The following XRRA1 variants were observed in gnomAD, a reference collection of about 807,000 sequenced individuals.
XRRA1 encodes the protein X-ray radiation resistance associated 1.
In XRRA1, 69 loss-of-function variants were observed where a neutral mutation model predicts 80.2. The ratio of observed to expected loss-of-function variants is 0.86; its 90% CI spans 0.71 to 1.05. The LOEUF (loss-of-function observed/expected upper bound fraction) is 1.05. Among genes scored for constraint, XRRA1 ranks in the 50% least tolerant of loss-of-function variants. XRRA1 has a pLI of 0.00. For synonymous variants in XRRA1, 348 were observed against 389.9 expected (o/e 0.89, Z 1.27); for missense variants, 967 against 976.4 (o/e 0.99, Z 0.13).
chr11:74,892,889 TAA>T (rs1189162594), intron 10 of XRRA1, among the ~76,000 whole-genome samples: 1 of 151,584 alleles, frequency 6.6e-6, no homozygotes, highest in Non-Finnish European at 1.5e-5. Context: ...TGGTGATCAT[TAA>T]AAAGTCAGGA....
intron 10 of XRRA1, among the ~76,000 whole-genome samples, chr11:74,889,071 T>A (rs1370476698): frequency 6.6e-6 from 1 of 152,046 alleles, no homozygotes; most frequent in African/African-American, 2.4e-5. Context: ...AAGATACTCC[T>A]CGAGAAGAGC....
chr11:74,908,092 G>C (rs970846033), intron 8 of XRRA1, among the ~76,000 whole-genome samples: 1 of 152,004 alleles, frequency 6.6e-6, no homozygotes, highest in African/African-American at 2.4e-5. Context: ...GTACACATAG[G>C]CACAAATGCA....
At chr11:74,852,216 G>C (rs2040044538) in intron 12 of XRRA1, 134 bp from the exon 13 acceptor site, 2 of 697,942 alleles carry the variant, frequency 2.9e-6, no homozygotes, top group Non-Finnish European at 5.0e-6. Flanking sequence ...TGCTGCTGTG[G>C]ATGGGACTCA....
chr11:74,936,166 T>C (rs1376191327), intron 4 of XRRA1, among the ~76,000 whole-genome samples: 4 of 152,234 alleles, frequency 2.6e-5, no homozygotes, highest in Non-Finnish European at 5.9e-5. Flanking sequence ...TGCACATTAA[T>C]ATTGATTTAC....
Position 74,843,368 on chromosome 11 carries a change from C to G in XRRA1, c.2235G>C (p.Gln745His), listed in dbSNP as rs1310234480. The G allele has an allele frequency of 1.2e-6, 2 of 1,612,078 alleles. No homozygotes were observed. Among genetic ancestry groups the G allele is most frequent in the Middle Eastern group, 1.7e-4 (1 of 6,060 alleles). Residue 745 changes from glutamine to histidine, a missense_variant, in exon 19 of 19, where the codon CAG (glutamine) becomes CAC (histidine). Transcript: ENST00000684022. ...LEAKRLLKEF[Q>H]ARYRQLVSGS... ...CACTCACCAGCTGCCGGTAACGTGC[C>G]TGGAACTCCTTCAACAGCCTCTTGG...
intron 10 of XRRA1, among the ~76,000 whole-genome samples, chr11:74,864,330 C>G (rs76201155): frequency 0.016 from 2,414 of 152,138 alleles, 58 homozygotes; most frequent in African/African-American, 0.054. Flanking sequence ...AGTGGAGAGA[C>G]TCTCAGAATG....
chr11:74,894,128 G>A (rs1409752863), intron 10 of XRRA1, among the ~76,000 whole-genome samples: 1 of 152,154 alleles, frequency 6.6e-6, no homozygotes, highest in Admixed American at 6.5e-5. Context: ...AGATGAGCTG[G>A]AGACCATTAT....
At chr11:74,864,891 T>C (rs968671559) in intron 10 of XRRA1, among the ~76,000 whole-genome samples, 14 of 152,190 alleles carry the variant, frequency 9.2e-5, no homozygotes, top group Non-Finnish European at 1.6e-4. Flanking sequence ...GGGACCCAGT[T>C]TGAGACCTGG....
At position 74,900,122 on chromosome 11, in the gene XRRA1, G is replaced by A. The variant is rs547106504; in HGVS notation, c.1003+6117C>T. On this transcript the variant is annotated intron_variant, in intron 10 of 18. Coordinates refer to ENST00000684022, the MANE Select transcript of XRRA1 (RefSeq NM_001378157.1). The stretch of plus-strand genomic sequence containing the variant: ...GGAGGTTGCAGTGAGCCGAGAAACC[G>A]CCACTGCACTCCAGCCTGGGCAATA... Among the ~76,000 whole-genome samples the A allele has an allele frequency of 1.1e-4, 17 of 151,614 alleles. No individual in the cohort carries two copies. In the South Asian group the frequency reaches 1.9e-3, roughly 17 times the overall value.
At chr11:74,927,244 A>AC in intron 7 of XRRA1, 147 bp downstream of exon 7, 1 of 105,602 alleles carries the variant, frequency 9.5e-6, no homozygotes, top group South Asian at 1.3e-4. Context: ...CCCCACCCCC[A>AC]CCCTCCCTGG....
At position 74,940,859 on chromosome 11, in the gene XRRA1, T is replaced by G. The variant is rs1234357546; in HGVS notation, c.20A>C (p.Tyr7Ser). The G allele has an allele frequency of 6.2e-7, 1 of 1,608,650 alleles. No individual in the cohort carries two copies. The highest frequency in any genetic ancestry group is 8.5e-7 in the Non-Finnish European group (1 of 1,177,670). The change falls in exon 3 of 19, where the codon TAC becomes TCC. Residue 7 changes from tyrosine (Y) to serine (S), a missense_variant. Transcript: ENST00000684022. MAFSGI[Y>S]KLDDGKPYLN... ...GTAAGGCTTCCCATCATCCAGCTTG[T>G]AGATTCCTGAGAAGGCCATCTCCCT...
At chr11:74,940,586 G>C (rs1475991040) in intron 3 of XRRA1, among the ~76,000 whole-genome samples, 199 bp downstream of exon 3, 1 of 152,224 alleles carries the variant, frequency 6.6e-6, no homozygotes, top group African/African-American at 2.4e-5. Context: ...TTAGCAATGA[G>C]AAGTCACTGA....
intron 7 of XRRA1, among the ~76,000 whole-genome samples, chr11:74,926,206 T>G (rs573691501): frequency 1.3e-4 from 20 of 152,302 alleles, no homozygotes; most frequent in African/African-American, 4.8e-4. Flanking sequence ...CAGAATATGC[T>G]TTAAAAATGC....
At chr11:74,888,032 C>T (rs147951539) in intron 10 of XRRA1, among the ~76,000 whole-genome samples, 5,167 of 152,244 alleles carry the variant, frequency 0.034, 302 homozygotes, top group African/African-American at 0.12. Context: ...CAGAATCCTC[C>T]GCAGACTTAA....
chr11:74,865,269 C>T (rs1056317691), intron 10 of XRRA1, among the ~76,000 whole-genome samples: 19 of 152,198 alleles, frequency 1.2e-4, no homozygotes, highest in Non-Finnish European at 2.6e-4. Context: ...CAGCCTCTAC[C>T]TCACAGCAGA....
At chr11:74,921,435 GC>G (rs1450924305) in intron 7 of XRRA1, 88 bp from the exon 8 acceptor site, 1 of 1,527,038 alleles carries the variant, frequency 6.5e-7, no homozygotes, top group Non-Finnish European at 8.9e-7. Context: ...TTTCTAGAGT[GC>G]CCCATCGCCC....
intron 11 of XRRA1, among the ~76,000 whole-genome samples, chr11:74,860,062 A>C (rs1385584425): frequency 6.6e-6 from 1 of 152,232 alleles, no homozygotes; most frequent in African/African-American, 2.4e-5. Flanking sequence ...ACTAGATTCC[A>C]TCTTAAGCTG....
At chr11:74,928,373 G>A (rs1942751447) in intron 6 of XRRA1, among the ~76,000 whole-genome samples, 1 of 152,218 alleles carries the variant, frequency 6.6e-6, no homozygotes, top group African/African-American at 2.4e-5. Context: ...CCTGTGTGTA[G>A]TGATTCCTAT....
chr11:74,851,892 T>G (rs1007189074), intron 13 of XRRA1, 97 bp downstream of exon 13: 1 of 1,033,700 alleles, frequency 9.7e-7, no homozygotes, highest in African/African-American at 1.6e-5. Flanking sequence ...CGACACAGAG[T>G]AGATCCCAGG....
Sources: gnomAD v4.1 joint callset for allele counts (sites outside exome capture counted in the v4.1 genomes callset) on GRCh38, gnomAD v4.1.1 for gene constraint, MANE v1.5 for transcripts, NCBI Gene and HGNC (gene_info 2026-07-23, HGNC 2026-07-21) for gene names.